TM9SF1: variants seen among roughly 807,000 people sequenced by gnomAD.
The protein encoded by TM9SF1 is MP70 protein family member.
In TM9SF1, 25 loss-of-function variants were observed where a neutral mutation model predicts 52.4. The observed-to-expected ratio is 0.48, with a 90% CI of 0.35 to 0.67. The LOEUF (loss-of-function observed/expected upper bound fraction) is 0.67. TM9SF1 is among the 30% of genes least tolerant of loss of function. The pLI is 0.01. For missense variants in TM9SF1, 604 were observed against 780.3 expected (o/e 0.77, Z 2.69); for synonymous variants, 284 against 299.8 (o/e 0.95, Z 0.55).
In TM9SF1 at chr14:24,189,559, G is replaced by A; in HGVS notation, c.1677C>T (p.Asn559=). Residue 559 remains asparagine, a synonymous_variant, in exon 6 of 6, where the codon AAC becomes AAT. Transcript: ENST00000261789. The stretch of plus-strand genomic sequence containing the variant: ...CTACTGTCTGTACTGCCCCAGACAT[G>A]TTGGAGCGCCGGGCATAATAGAAAA... ...YSVFYYARRS[N]MSGAVQTVEF... 1 of 1,614,182 alleles carries A rather than the reference G, an allele frequency of 6.2e-7. No homozygotes were observed. The highest frequency in any genetic ancestry group is 1.3e-5 in the African/African-American group (1 of 75,024).
At position 24,195,330 on chromosome 14, in the gene TM9SF1, G is replaced by A. The variant is rs1275631866; in HGVS notation, c.-18+16C>T. ...GCACCTCGGGTCCCTTCCCGCCACA[G>A]CCCCGGGGTCCTCACCGCGCGGGAA... On this transcript the variant is annotated intron_variant, in intron 1 of 5. Transcript: ENST00000261789. 3.5e-5 allele frequency: 11 copies of A among 314,338 alleles called. No homozygotes were observed. The highest frequency in any genetic ancestry group is 6.6e-5 in the Non-Finnish European group (11 of 167,040). 19.5% of individuals were successfully genotyped at this position (314,338 alleles called of 1,614,324 possible).
rs577378870 is a variant in TM9SF1 at position 24,193,128 on chromosome 14, A to T, written c.487T>A (p.Leu163Met). ...CCATGGAATTCTAGGTGGAAGTCCA[A>T]ATGGGTCCAGAGTCCTATCTTGTGG... ...HSHKIGLWTH[L>M]DFHLEFHGDR... Residue 163 changes from leucine (L) to methionine (M), a missense_variant, in exon 3 of 6, where the codon TTG (leucine) becomes ATG (methionine). By Grantham distance (15) the Leu-to-Met change is conservative. Around this residue, in one of 3 missense-constraint regions of TM9SF1, gnomAD observed 450 missense variants for 560.1 expected, o/e 0.80. Coordinates refer to ENST00000261789, the MANE Select transcript of TM9SF1 (RefSeq NM_006405.7). The T allele has an allele frequency of 2.5e-6, 4 of 1,614,168 alleles. No individual in the cohort carries two copies. In the Admixed American group the frequency reaches 6.7e-5, roughly 27 times the overall value.
In TM9SF1 at chr14:24,192,497, C is replaced by T. The variant is rs1395988650; in HGVS notation, c.968-141G>A. 7.3e-6 allele frequency: 10 copies of T among 1,376,756 alleles called. No homozygotes were observed. Among genetic ancestry groups the T allele is most frequent in the Non-Finnish European group, 9.9e-6 (10 of 1,010,816 alleles). 85.3% of individuals were successfully genotyped at this position (1,376,756 alleles called of 1,614,324 possible). A position where few individuals can be genotyped will look rare whatever the true frequency, so the allele number is the denominator to read the frequency against. ...CCAGTTTTGCTATCCAGAAAATCTA[C>T]AATAGAATACGTGCATTCTTGCTAG... On this transcript the variant is annotated intron_variant, in intron 3 of 5. Coordinates refer to ENST00000261789, the MANE Select transcript of TM9SF1 (RefSeq NM_006405.7). This position sits in a 1 kb window ranked among gnomAD's most constrained non-coding sequence, Gnocchi z 4.0.
At chr14:24,190,133 A>G in intron 5 of TM9SF1, 2 of 1,376,156 alleles carry the variant, frequency 1.5e-6, no homozygotes, top group Non-Finnish European at 1.9e-6. Context: ...CATGATGTCC[A>G]TAGGCATTAA....
intron 4 of TM9SF1, among the ~76,000 whole-genome samples, chr14:24,191,486 A>T (rs1006007549): frequency 2.5e-4 from 38 of 152,186 alleles, no homozygotes; most frequent in Admixed American, 1.1e-3. Flanking sequence ...TCAAAATAAA[A>T]ATTCAAGGGT....
rs1055912110 is a variant in TM9SF1, at chr14:24,192,508, G to A, written c.967+140C>T. The A allele has an allele frequency of 3.1e-5, 42 of 1,353,380 alleles. No individual in the cohort carries two copies. The Admixed American group carries it at 4.8e-4, about 16-fold the overall frequency. 83.8% of individuals were successfully genotyped at this position (1,353,380 alleles called of 1,614,324 possible). On this transcript the variant is annotated intron_variant, in intron 3 of 5. Transcript: ENST00000261789. The surrounding 1 kb of genome is among the most constrained non-coding windows in gnomAD (Gnocchi z 4.0). ...ATCCAGAAAATCTACAATAGAATACGTGCATTCTTGCTAGAGCCACCCTAT... is the reference window on the plus strand; with the variant it reads ...ATCCAGAAAATCTACAATAGAATACATGCATTCTTGCTAGAGCCACCCTAT...
Position 24,193,175 on chromosome 14 carries a change from TC to T in TM9SF1, c.439del (p.Glu147ArgfsTer11). 3.7e-6 allele frequency: 6 copies of T among 1,614,122 alleles called. No individual in the cohort carries two copies. Among genetic ancestry groups the T allele is most frequent in the Non-Finnish European group, 5.1e-6 (6 of 1,180,028 alleles). ...PIRGFVGYME[E>X]SGFLPHSHKI... ...GTGGCTGTGTGGCAGGAAACCACTC[TC>T]CTCCATGTAGCCCACAAAGCCCCGG... On this transcript the variant is annotated frameshift_variant, in exon 3 of 6. Transcript: ENST00000261789. LOFTEE classifies it high-confidence loss of function.
chr14:24,192,792 T>C lies in TM9SF1; in HGVS notation c.823A>G (p.Thr275Ala). ...LARYNLDEET[T>A]SAGSGDDFDQ... Reference sequence around the variant, plus strand: ...AAGTCATCACCAGAACCTGCAGAGGTGGTCTCCTCATCTAAGTTGTACCGA... The same window carrying C: ...AAGTCATCACCAGAACCTGCAGAGGCGGTCTCCTCATCTAAGTTGTACCGA... Residue 275 changes from threonine to alanine, a missense_variant, in exon 3 of 6, where the codon ACC (threonine) becomes GCC (alanine). Physicochemically the swap from Thr to Ala is moderately conservative, Grantham distance 58. This residue lies in a region of TM9SF1 where 450 missense variants were observed against 560.1 expected (regional missense o/e 0.80). Coordinates refer to ENST00000261789, the MANE Select transcript of TM9SF1 (RefSeq NM_006405.7). This position sits in a 1 kb window ranked among gnomAD's most constrained non-coding sequence, Gnocchi z 4.0. The C allele has an allele frequency of 6.2e-7, 1 of 1,614,034 alleles. No homozygotes were observed. The highest frequency in any genetic ancestry group is 8.5e-7 in the Non-Finnish European group (1 of 1,179,964).
intron 5 of TM9SF1, 47 bp downstream of exon 5, chr14:24,190,333 G>C: frequency 1.3e-6 from 2 of 1,531,150 alleles, no homozygotes; most frequent in South Asian, 1.3e-5. Context: ...AGGAAAAATT[G>C]AGGTCAGGAA....
At position 24,191,600 on chromosome 14, in the gene TM9SF1, T is replaced by A. The variant is rs147702515; in HGVS notation, c.1153+571A>T. The stretch of plus-strand genomic sequence containing the variant: ...GACAAGTTACTTAAGCAGCCTTTAG[T>A]TCAGTTTCCTCATCTGTGGAATGGA... On this transcript the variant is annotated intron_variant, in intron 4 of 5. Transcript: ENST00000261789. The A allele has an allele frequency of 2.4e-3, 372 of 152,808 alleles. 1 individual carries two copies. The highest frequency in any genetic ancestry group is 4.5e-3 in the Non-Finnish European group (306 of 68,366). 9.5% of individuals were successfully genotyped at this position (152,808 alleles called of 1,614,324 possible).
rs2039384457 is a variant in TM9SF1 at position 24,195,390 on chromosome 14, C to T, written c.-62G>A. 8.6e-6 allele frequency: 2 copies of T among 232,292 alleles called. No homozygotes were observed. The highest frequency in any genetic ancestry group is 1.7e-5 in the Non-Finnish European group (2 of 116,568). 14.4% of individuals were successfully genotyped at this position (232,292 alleles called of 1,614,324 possible). On this transcript the variant is annotated 5_prime_UTR_variant, in exon 1 of 6. Transcript: ENST00000261789. ...GAGGCGGCGCCAGCGGCCTTCGCGC[C>T]CCCGTAGCTGCCTTTGGGCTCCTGC...
intron 4 of TM9SF1, 51 bp from the exon 5 acceptor site, chr14:24,190,704 T>G: frequency 4.6e-4 from 684 of 1,475,674 alleles, no homozygotes; most frequent in Non-Finnish European, 5.6e-4. Flanking sequence ...GCTACATCTC[T>G]AAGGGCACCC....
Position 24,192,674 on chromosome 14 carries a change from C to T in TM9SF1, c.941G>A (p.Gly314Asp). The change falls in exon 3 of 6, where the codon GGT becomes GAT. Residue 314 changes from glycine (G) to aspartate (D), a missense_variant. Physicochemically the swap from Gly to Asp is moderately conservative, Grantham distance 94 (BLOSUM62 -1). Transcript: ENST00000261789. This position sits in a 1 kb window ranked among gnomAD's most constrained non-coding sequence, Gnocchi z 4.0. The stretch of plus-strand genomic sequence containing the variant: ...AGTGCCAAGGGCCAGGAACTGGGCA[C>T]CCACGCCAAGCACAGCACAGAGCAG... ...RGLLCAVLGV[G>D]AQFLALGTGI... 6.3e-7 allele frequency: 1 copy of T among 1,577,148 alleles called. No homozygotes were observed. Among genetic ancestry groups the T allele is most frequent in the Non-Finnish European group, 8.6e-7 (1 of 1,161,382 alleles).
Position 24,192,528 on chromosome 14 carries a change from C to A in TM9SF1, c.967+120G>T. 1.4e-6 allele frequency: 2 copies of A among 1,408,778 alleles called. No homozygotes were observed. Among genetic ancestry groups the A allele is most frequent in the Non-Finnish European group, 1.9e-6 (2 of 1,039,030 alleles). 87.3% of individuals were successfully genotyped at this position (1,408,778 alleles called of 1,614,324 possible). A position where few individuals can be genotyped will look rare whatever the true frequency, so the allele number is the denominator to read the frequency against. On this transcript the variant is annotated intron_variant, in intron 3 of 5. Coordinates refer to ENST00000261789, the MANE Select transcript of TM9SF1 (RefSeq NM_006405.7). The surrounding 1 kb of genome is among the most constrained non-coding windows in gnomAD (Gnocchi z 4.0). Reference sequence around the variant, plus strand: ...AATACGTGCATTCTTGCTAGAGCCACCCTATCCCTTAGGTCTGCCCCTCTG... The same window carrying A: ...AATACGTGCATTCTTGCTAGAGCCAACCTATCCCTTAGGTCTGCCCCTCTG...
intron 1 of TM9SF1, 106 bp downstream of exon 1, chr14:24,195,240 C>G: frequency 1.8e-6 from 1 of 567,528 alleles, no homozygotes; most frequent in African/African-American, 1.9e-5. Context: ...CCACCCGCAG[C>G]CCGTCTGGCC....
chr14:24,194,714 C>T lies in TM9SF1; in HGVS notation c.306G>A (p.Glu102=), dbSNP rs2039371823. 1 of 1,614,156 alleles carries T rather than the reference C, an allele frequency of 6.2e-7. No homozygotes were observed. The change falls in exon 2 of 6, where the codon GAG becomes GAA. Residue 102 remains glutamate (E), a synonymous_variant. Coordinates refer to ENST00000261789, the MANE Select transcript of TM9SF1 (RefSeq NM_006405.7). ...GCTGCATGTGGCACAGAATTCTCTT[C>T]TCCACGTTTTCCCGAAAGCGGATCT... is the stretch of plus-strand genomic sequence containing the variant. The part of the protein sequence containing the change: ...LYEIRFRENV[E]KRILCHMQLS...
chr14:24,193,554 A>C (rs1445241567), intron 2 of TM9SF1, among the ~76,000 whole-genome samples: 1 of 150,252 alleles, frequency 6.7e-6, no homozygotes, highest in Non-Finnish European at 1.5e-5. Context: ...TTTAGTAGAG[A>C]CAGGGTTTCA....
intron 2 of TM9SF1, among the ~76,000 whole-genome samples, chr14:24,194,343 A>C (rs1741822572): frequency 6.6e-6 from 1 of 152,214 alleles, no homozygotes; most frequent in Admixed American, 6.5e-5. Flanking sequence ...AGAAACAGCC[A>C]AGAGGTAGGC....
Position 24,190,521 on chromosome 14 carries a change from A to G in TM9SF1, c.1286T>C (p.Ile429Thr), listed in dbSNP as rs147197755. 4 of 1,614,158 alleles carry G rather than the reference A, an allele frequency of 2.5e-6. No homozygotes were observed. Among genetic ancestry groups the G allele is most frequent in the African/African-American group, 1.3e-5 (1 of 75,036 alleles). ...GTTGTTCTTCCCAAAGATGCCTCCAATGACAGTGAGGGGAAAGCCCACCAG... is the reference window on the plus strand; with the variant it reads ...GTTGTTCTTCCCAAAGATGCCTCCAGTGACAGTGAGGGGAAAGCCCACCAG... ...WLLVGFPLTV[I>T]GGIFGKNNAS... Residue 429 changes from isoleucine (I) to threonine (T), a missense_variant, in exon 5 of 6, where the codon ATT (isoleucine) becomes ACT (threonine). By Grantham distance (89) the Ile-to-Thr change is moderately conservative. Around this residue, in one of 3 missense-constraint regions of TM9SF1, gnomAD observed 450 missense variants for 560.1 expected, o/e 0.80. Transcript: ENST00000261789.
Sources: allele counts gnomAD v4.1 joint callset (sites outside exome capture counted in the v4.1 genomes callset), GRCh38; gene constraint gnomAD v4.1.1; regional missense constraint gnomAD v4.1.1; non-coding constraint Gnocchi (gnomAD v3.1); transcripts MANE v1.5; gene names NCBI Gene and HGNC (gene_info 2026-07-23, HGNC 2026-07-21).